Variants in MYO6 observed in about 807,000 individuals in gnomAD.
The protein encoded by MYO6 is unconventional myosin-VI.
A neutral mutation model predicts 178.7 loss-of-function variants in MYO6; 74 were observed. The observed-to-expected ratio is 0.41, with a 90% confidence interval of 0.34 to 0.50. The LOEUF (loss-of-function observed/expected upper bound fraction) is 0.50, where lower values mean the gene tolerates loss of function less well. MYO6 is among the 20% of genes least tolerant of loss of function. The pLI is 0.09. For synonymous variants in MYO6, 477 were observed against 504.6 expected, an observed-to-expected ratio of 0.95 and a Z score of 0.73; for missense variants, 1,330 against 1,547.4, an observed-to-expected ratio of 0.86 and a Z score of 2.36.
At chr6:75,909,594 T>C (rs1454456440) in intron 32 of MYO6, among the ~76,000 whole-genome samples, 3 of 152,194 alleles carry the variant, frequency 2.0e-5, no homozygotes, top group Non-Finnish European at 2.9e-5. Flanking sequence ...AGTACAAGCA[T>C]GCATGAGCTT....
In MYO6 at chr6:75,866,258, C is replaced by T. The variant is rs575593385; in HGVS notation, c.1675-268C>T. Among the ~76,000 whole-genome samples, 1,100 of 129,180 alleles carry T rather than the reference C, an allele frequency of 8.5e-3. 19 individuals are homozygous for T. The highest frequency in any genetic ancestry group is 0.03 in the African/African-American group (1,056 of 35,228). The allele number at this position is 129,180 out of a possible 152,430, so 84.7% of individuals were successfully genotyped here. A position where few individuals can be genotyped will look rare whatever the true frequency, so the allele number is the denominator to read the frequency against. On this transcript the variant is annotated intron_variant, in intron 16 of 34. Coordinates refer to ENST00000369977, the MANE Select transcript of MYO6 (RefSeq NM_004999.4). ...GTTTTTTTTTGGGTCTCTTTCTCTC[C>T]GTCTCTGTCTCTGTCTCTGTGTGTG...
At chr6:75,799,898 C>T (rs1769270982) in intron 1 of MYO6, among the ~76,000 whole-genome samples, 1 of 152,158 alleles carries the variant, frequency 6.6e-6, no homozygotes, top group Admixed American at 6.6e-5. Flanking sequence ...GATATTATCA[C>T]TTTAGTTATT....
chr6:75,768,917 T>C (rs745856062), intron 1 of MYO6, among the ~76,000 whole-genome samples: 54 of 152,186 alleles, frequency 3.5e-4, no homozygotes, highest in Non-Finnish European at 4.4e-4. Context: ...CAGCATCTGC[T>C]TCTGGTGAGG....
intron 1 of MYO6, among the ~76,000 whole-genome samples, chr6:75,779,949 C>G (rs1238873920): frequency 2.6e-5 from 4 of 152,054 alleles, no homozygotes; most frequent in African/African-American, 7.2e-5. Flanking sequence ...TTTTCTTGCC[C>G]TATATCTTAC....
chr6:75,896,913 G>T lies in MYO6; in HGVS notation c.3138-1460G>T, dbSNP rs139834472. Among the ~76,000 whole-genome samples, 208 of 152,340 alleles carry T rather than the reference G, an allele frequency of 1.4e-3. 1 individual carries two copies. The highest frequency in any genetic ancestry group is 4.7e-3 in the African/African-American group (195 of 41,574). On this transcript the variant is annotated intron_variant, in intron 29 of 34. Transcript: ENST00000369977. ...TGAAATTATATTTGCATATAGTTTGGTAAAATCAGAAGGAAGAAAGCACCT... is the reference window on the plus strand; with the variant it reads ...TGAAATTATATTTGCATATAGTTTGTTAAAATCAGAAGGAAGAAAGCACCT...
chr6:75,823,363 A>G (rs1772103114), intron 3 of MYO6, among the ~76,000 whole-genome samples: 1 of 152,212 alleles, frequency 6.6e-6, no homozygotes, highest in South Asian at 2.1e-4. Flanking sequence ...TTTGATGAAA[A>G]AAGCTCTTCT....
chr6:75,784,806 G>C (rs1240517687), intron 1 of MYO6, among the ~76,000 whole-genome samples: 1 of 142,356 alleles, frequency 7.0e-6, no homozygotes, highest in East Asian at 2.0e-4. Context: ...AAAAAAAAGA[G>C]GGTGGAGCTG....
chr6:75,806,176 A>G (rs1344045392), intron 1 of MYO6, among the ~76,000 whole-genome samples: 2 of 152,098 alleles, frequency 1.3e-5, no homozygotes, highest in Non-Finnish European at 2.9e-5. Flanking sequence ...GATACAAAGT[A>G]ATACTTAATT....
rs1378120487 is a variant in MYO6, at chr6:75,914,045, C to T, written c.3440-18C>T. On this transcript the variant is annotated intron_variant, in intron 33 of 34. Transcript: ENST00000369977. ...TCCCTTGAGCTGCTGGTATAACTTT[C>T]CTTGTTCTGTGTAATAGCTCAGCAA... 1.9e-6 allele frequency: 3 copies of T among 1,612,568 alleles called. No individual in the cohort carries two copies. In the African/African-American group the frequency reaches 4.0e-5, roughly 22 times the overall value.
At chr6:75,824,736 C>A (rs1288414151) in intron 3 of MYO6, among the ~76,000 whole-genome samples, 1 of 151,676 alleles carries the variant, frequency 6.6e-6, no homozygotes, top group Non-Finnish European at 1.5e-5. Flanking sequence ...AGTGTAGCAA[C>A]ACTTATTACC....
In MYO6 at chr6:75,750,004, GATTTTA is replaced by G. The variant is rs1252743420; in HGVS notation, c.-48+589_-48+594del. Among the ~76,000 whole-genome samples the G allele has an allele frequency of 3.3e-5, 5 of 151,942 alleles. No homozygotes were observed. The South Asian group carries it at 1.0e-3, about 32-fold the overall frequency. On this transcript the variant is annotated intron_variant, in intron 1 of 34. Transcript: ENST00000369977. ...AACGATTAAAATGCTTAAACTCTGG[GATTTTA>G]ATTTTAAGTAGGACACAATTTGATG...
intron 1 of MYO6, among the ~76,000 whole-genome samples, chr6:75,791,413 T>G (rs767056304): frequency 2.6e-5 from 4 of 152,190 alleles, no homozygotes; most frequent in Non-Finnish European, 4.4e-5. Flanking sequence ...TGGGATAAAA[T>G]TTTAATGATT....
chr6:75,764,993 C>T (rs564393616), intron 1 of MYO6, among the ~76,000 whole-genome samples: 10 of 149,086 alleles, frequency 6.7e-5, no homozygotes, highest in East Asian at 2.0e-4. Context: ...AGCTAGACTC[C>T]GTCTCAAACA....
At chr6:75,766,720 G>A (rs114853475) in intron 1 of MYO6, among the ~76,000 whole-genome samples, 2,465 of 152,234 alleles carry the variant, frequency 0.016, 65 homozygotes, top group African/African-American at 0.057. Flanking sequence ...TCCAAATAAA[G>A]GACAGTCTTC....
At chr6:75,819,150 CTGTT>C (rs919352553) in intron 2 of MYO6, among the ~76,000 whole-genome samples, 4 of 152,160 alleles carry the variant, frequency 2.6e-5, no homozygotes, top group Non-Finnish European at 4.4e-5. Context: ...CCAATAAAAA[CTGTT>C]TACATTAGGG....
chr6:75,840,661 A>G lies in MYO6; in HGVS notation c.630A>G (p.Val210=), dbSNP rs1051817162. The change falls in exon 8 of 35, where the codon GTA becomes GTG. Residue 210 remains valine (V), a synonymous_variant. Coordinates refer to ENST00000369977, the MANE Select transcript of MYO6 (RefSeq NM_004999.4). ...ATAGCAGTCGATTTGGGAAATTTGT[A>G]GAAATACATTTTAATGAAAAGGTAA... ...NNNSSRFGKF[V]EIHFNEKSSV... is the part of the protein sequence containing the mutation. The G allele has an allele frequency of 6.8e-6, 11 of 1,612,246 alleles. No homozygotes were observed. Among genetic ancestry groups the G allele is most frequent in the Non-Finnish European group, 9.3e-6 (11 of 1,178,418 alleles).
In MYO6 at chr6:75,867,122, A is replaced by AT. The variant is rs754309380; in HGVS notation, c.1944+27dup. 2,481 of 1,496,680 alleles carry AT rather than the reference A, an allele frequency of 1.7e-3. No individual in the cohort carries two copies. The highest frequency in any genetic ancestry group is 2.0e-3 in the Middle Eastern group (9 of 4,590). 92.7% of individuals were successfully genotyped at this position (1,496,680 alleles called of 1,614,324 possible). ...AAGTTTAAGGTATTTGTGTTATTTA[A>AT]TTTTTTTTTTACTATATTTAAAATG... is the stretch of plus-strand genomic sequence containing the variant. On this transcript the variant is annotated intron_variant, in intron 18 of 34. Transcript: ENST00000369977.
In MYO6 at chr6:75,828,612, A is replaced by T. The variant is rs1772734770; in HGVS notation, c.260A>T (p.Tyr87Phe). The T allele has an allele frequency of 1.3e-6, 2 of 1,551,838 alleles. No homozygotes were observed. The highest frequency in any genetic ancestry group is 2.7e-5 in the African/African-American group (2 of 73,556). Residue 87 changes from tyrosine to phenylalanine, a missense_variant and splice_region_variant, in exon 4 of 35, where the codon TAT (tyrosine) becomes TTT (phenylalanine). By Grantham distance (22) the Tyr-to-Phe change is conservative. Transcript: ENST00000369977. ...GTTCGATATAGTAAAGACAGAATTT[A>T]TGTAAGTATTTTACCTGTAGTGTAA... ...IKVRYSKDRI[Y>F]TYVANILIAV...
At chr6:75,795,350 C>T (rs1044200242) in intron 1 of MYO6, among the ~76,000 whole-genome samples, 7 of 152,102 alleles carry the variant, frequency 4.6e-5, no homozygotes, top group Admixed American at 3.9e-4. Flanking sequence ...AGCTTTTTAA[C>T]CCATAAATAA....
Sources: allele counts gnomAD v4.1 joint callset (sites outside exome capture counted in the v4.1 genomes callset), GRCh38; gene constraint gnomAD v4.1.1; transcripts MANE v1.5; gene names NCBI Gene and HGNC (gene_info 2026-07-23, HGNC 2026-07-21).